Variants in ADGRB2 observed in about 807,000 individuals in gnomAD.
ADGRB2 encodes adhesion G protein-coupled receptor B2, also known as brain-specific angiogenesis inhibitor 2.
Under a neutral mutation model 178.7 loss-of-function variants are expected in ADGRB2, and 47 were observed. That is an observed-to-expected ratio of 0.26 (90% CI 0.21 to 0.34). The LOEUF is 0.34. Among genes scored for constraint, ADGRB2 ranks in the 10% least tolerant of loss-of-function variants. ADGRB2 has a pLI of 1.00. For missense variants in ADGRB2, 1,584 were observed against 2,180.8 expected, an observed-to-expected ratio of 0.73 and a Z score of 5.45; for synonymous variants, 870 against 912.4, an observed-to-expected ratio of 0.95 and a Z score of 0.84.
chr1:31,744,597 C>A lies in ADGRB2; in HGVS notation c.922+51G>T, dbSNP rs190025210. The A allele has an allele frequency of 6.3e-7, 1 of 1,588,624 alleles. No individual in the cohort carries two copies. The highest frequency in any genetic ancestry group is 8.6e-7 in the Non-Finnish European group (1 of 1,161,672). On this transcript the variant is annotated intron_variant, in intron 5 of 32. Coordinates refer to ENST00000373658, the MANE Select transcript of ADGRB2 (RefSeq NM_001364857.2). This position sits in a 1 kb window ranked among gnomAD's most constrained non-coding sequence, Gnocchi z 6.7. ...CACACCAAGCACACACACCACCAGA[C>A]GCACACAGTCGGGCCCCCGCCGCAG...
In ADGRB2 at chr1:31,755,902, A is replaced by T; in HGVS notation, c.838+97T>A. On this transcript the variant is annotated intron_variant, in intron 4 of 32. Transcript: ENST00000373658. The surrounding 1 kb of genome is among the most constrained non-coding windows in gnomAD (Gnocchi z 5.1). ...CTCAGCAGAGGGGTGACATCAGTGA[A>T]CAGCTACATGCATGGCCGAGGATCT... 6.7e-7 allele frequency: 1 copy of T among 1,482,688 alleles called. No homozygotes were observed. The highest frequency in any genetic ancestry group is 9.1e-7 in the Non-Finnish European group (1 of 1,100,264). 91.8% of individuals were successfully genotyped at this position (1,482,688 alleles called of 1,614,324 possible).
intron 3 of ADGRB2, 140 bp downstream of exon 3, chr1:31,757,061 G>C: frequency 2.8e-6 from 4 of 1,425,030 alleles, no homozygotes; most frequent in Non-Finnish European, 3.9e-6. Flanking sequence ...ATAAGTAAGG[G>C]AAAGGACTCG....
chr1:31,737,030 G>A (rs1645651572), intron 20 of ADGRB2, among the ~76,000 whole-genome samples: 1 of 152,226 alleles, frequency 6.6e-6, no homozygotes, highest in Non-Finnish European at 1.5e-5. Flanking sequence ...CCCTGTGCCT[G>A]GCATGCATGG....
In ADGRB2 at chr1:31,734,025, G is replaced by A. The variant is rs567384091; in HGVS notation, c.3453-882C>T. On this transcript the variant is annotated intron_variant, in intron 25 of 32. Transcript: ENST00000373658. ...TGGCAGAGGGTGGCACCATTCCGCA[G>A]AGACAGCCGGGGGAGGCCAAAGCAG... Among the ~76,000 whole-genome samples, 394 of 152,336 alleles carry A rather than the reference G, an allele frequency of 2.6e-3. 1 individual carries two copies. Among genetic ancestry groups the A allele is most frequent in the Non-Finnish European group, 3.8e-3 (260 of 68,030 alleles).
intron 4 of ADGRB2, among the ~76,000 whole-genome samples, chr1:31,746,019 C>T (rs1479458981): frequency 6.6e-6 from 1 of 152,192 alleles, no homozygotes; most frequent in East Asian, 1.9e-4. Flanking sequence ...ATCTCTGAAA[C>T]CTGGACTCCC....
chr1:31,738,430 T>C, intron 17 of ADGRB2, 104 bp from the exon 18 acceptor site: 2 of 1,564,256 alleles, frequency 1.3e-6, no homozygotes, highest in South Asian at 1.2e-5. Flanking sequence ...TAAGGCCACA[T>C]CCACGAGGCA....
chr1:31,744,301 G>T lies in ADGRB2; in HGVS notation c.979C>A (p.Gln327Lys), dbSNP rs1160253497. 3 of 1,551,252 alleles carry T rather than the reference G, an allele frequency of 1.9e-6. No individual in the cohort carries two copies. The highest frequency in any genetic ancestry group is 2.6e-6 in the Non-Finnish European group (3 of 1,146,924). ...GAGCGGGTCCGCACCTGCAGACCCT[G>T]CCCACACGTCAGGGAACACACGCTC... is the stretch of plus-strand genomic sequence containing the variant. ...PWSVCSLTCG[Q>K]GLQVRTRSCV... is the part of the protein sequence containing the mutation. Residue 327 changes from glutamine to lysine, a missense_variant, in exon 6 of 33, where the codon CAG (glutamine) becomes AAG (lysine). Gln to Lys is a moderately conservative substitution (Grantham distance 53). Around this residue, in one of 3 missense-constraint regions of ADGRB2, gnomAD observed 657 missense variants for 847.6 expected, o/e 0.78. Coordinates refer to ENST00000373658, the MANE Select transcript of ADGRB2 (RefSeq NM_001364857.2). This position sits in a 1 kb window ranked among gnomAD's most constrained non-coding sequence, Gnocchi z 6.7.
chr1:31,731,977 G>A (rs1049030277), intron 28 of ADGRB2, 138 bp downstream of exon 28: 69 of 1,115,924 alleles, frequency 6.2e-5, no homozygotes, highest in Middle Eastern at 2.1e-4. Flanking sequence ...GCAGCCTTGC[G>A]TCCAGCTCAG....
intron 4 of ADGRB2, among the ~76,000 whole-genome samples, chr1:31,749,466 G>C (rs969121403): frequency 6.6e-6 from 1 of 152,212 alleles, no homozygotes; most frequent in East Asian, 1.9e-4. Flanking sequence ...CTCTGCCACC[G>C]TCTTGCTGTG....
At chr1:31,736,765 G>A (rs753311378) in intron 20 of ADGRB2, 42 bp from the exon 21 acceptor site, 31 of 1,593,322 alleles carry the variant, frequency 1.9e-5, no homozygotes, top group South Asian at 1.3e-4. Context: ...CTGAGCAGCC[G>A]CCAGGGCAGG....
intron 1 of ADGRB2, among the ~76,000 whole-genome samples, chr1:31,763,339 G>T (rs997741953): frequency 4.6e-5 from 7 of 151,396 alleles, no homozygotes; most frequent in African/African-American, 1.7e-4. Context: ...GAAGAAGCAT[G>T]GTCGGGGTAC....
At position 31,758,195 on chromosome 1, in the gene ADGRB2, A is replaced by G. The variant is rs1294118455; in HGVS notation, c.-190-684T>C. Among the ~76,000 whole-genome samples, 1 of 152,186 alleles carries G rather than the reference A, an allele frequency of 6.6e-6. No homozygotes were observed. Among genetic ancestry groups the G allele is most frequent in the East Asian group, 1.9e-4 (1 of 5,202 alleles). On this transcript the variant is annotated intron_variant, in intron 1 of 32. Coordinates refer to ENST00000373658, the MANE Select transcript of ADGRB2 (RefSeq NM_001364857.2). This position sits in a 1 kb window ranked among gnomAD's most constrained non-coding sequence, Gnocchi z 4.2. ...GCTCACAGCACTGCATGGGCCCCCT[A>G]GAGCCCAGCTGGTCCTCATCAGAGG...
At position 31,737,539 on chromosome 1, in the gene ADGRB2, G is replaced by A. The variant is rs764864121; in HGVS notation, c.2877-8C>T. 7 of 1,613,556 alleles carry A rather than the reference G, an allele frequency of 4.3e-6. No individual in the cohort carries two copies. The Admixed American group carries it at 5.0e-5, about 12-fold the overall frequency. On this transcript the variant is annotated splice_region_variant and splice_polypyrimidine_tract_variant and intron_variant, in intron 19 of 32. Transcript: ENST00000373658. Reference sequence around the variant, plus strand: ...CGTTCAGATTTTATGAACCTGCCGGGGCACAGCAGGCAGGGACAGAGGCGC... The same window carrying A: ...CGTTCAGATTTTATGAACCTGCCGGAGCACAGCAGGCAGGGACAGAGGCGC...
rs1251673887 is a variant in ADGRB2 at position 31,740,573 on chromosome 1, A to G, written c.1795-32T>C. On this transcript the variant is annotated intron_variant, in intron 11 of 32. Transcript: ENST00000373658. This position sits in a 1 kb window ranked among gnomAD's most constrained non-coding sequence, Gnocchi z 5.9. Reference sequence around the variant, plus strand: ...GTGATGAGGGGGCCACAGTCACTGAAGTGTCAGGAGCTGGAACCAGACCCT... The same window carrying G: ...GTGATGAGGGGGCCACAGTCACTGAGGTGTCAGGAGCTGGAACCAGACCCT... The G allele has an allele frequency of 3.2e-6, 5 of 1,551,930 alleles. No individual in the cohort carries two copies. The highest frequency in any genetic ancestry group is 2.4e-5 in the South Asian group (2 of 82,192).
rs761886438 is a variant in ADGRB2, at chr1:31,736,596, T to C, written c.3107A>G (p.Lys1036Arg). 18 of 1,613,946 alleles carry C rather than the reference T, an allele frequency of 1.1e-5. No individual in the cohort carries two copies. The highest frequency in any genetic ancestry group is 1.5e-5 in the Non-Finnish European group (18 of 1,179,966). Residue 1036 changes from lysine to arginine, a missense_variant, in exon 21 of 33, where the codon AAG becomes AGG. Physicochemically the swap from Lys to Arg is conservative, Grantham distance 26. Coordinates refer to ENST00000373658, the MANE Select transcript of ADGRB2 (RefSeq NM_001364857.2). The stretch of plus-strand genomic sequence containing the variant: ...ACCCCAGCCCAGGCAGAGGAAGCGC[T>C]TGCGAACGAGGCGGGTGCGCATCCG... ...IGRMRTRLVR[K>R]RFLCLGWGLP...
chr1:31,759,212 T>A lies in ADGRB2; in HGVS notation c.-190-1701A>T, dbSNP rs1646966702. The A allele has an allele frequency of 5.3e-6, 4 of 752,106 alleles. No homozygotes were observed. Among genetic ancestry groups the A allele is most frequent in the Non-Finnish European group, 7.5e-6 (3 of 399,884 alleles). 46.6% of individuals were successfully genotyped at this position (752,106 alleles called of 1,614,324 possible). ...CATGCACACAGGTGAAACCCACAGATTCATGCTGTCACACACACTCAGGAG... is the reference window on the plus strand; with the variant it reads ...CATGCACACAGGTGAAACCCACAGAATCATGCTGTCACACACACTCAGGAG... On this transcript the variant is annotated intron_variant, in intron 1 of 32. Coordinates refer to ENST00000373658, the MANE Select transcript of ADGRB2 (RefSeq NM_001364857.2). The surrounding 1 kb of genome is among the most constrained non-coding windows in gnomAD (Gnocchi z 4.3).
intron 4 of ADGRB2, among the ~76,000 whole-genome samples, chr1:31,750,217 G>A (rs917351090): frequency 1.6e-4 from 25 of 152,252 alleles, no homozygotes; most frequent in South Asian, 6.2e-4. Flanking sequence ...TAGTCCCCAG[G>A]CCATCTTCTT....
rs771799815 is a variant in ADGRB2 at position 31,728,648 on chromosome 1, C to G, written c.4381-15G>C. On this transcript the variant is annotated splice_polypyrimidine_tract_variant and intron_variant, in intron 29 of 32. Transcript: ENST00000373658. The surrounding 1 kb of genome is among the most constrained non-coding windows in gnomAD (Gnocchi z 6.7). ...AATTTCTTTCGCTGGGAAGGAGCAA[C>G]AAGGAGGCAATGGAGGAGAAGAAAG... The G allele has an allele frequency of 4.3e-6, 7 of 1,614,018 alleles. No individual in the cohort carries two copies. In the East Asian group the frequency reaches 1.6e-4, roughly 36 times the overall value.
chr1:31,739,295 C>T lies in ADGRB2; in HGVS notation c.2495+13G>A. 2.1e-6 allele frequency: 3 copies of T among 1,447,430 alleles called. No homozygotes were observed. Among genetic ancestry groups the T allele is most frequent in the South Asian group, 3.0e-5 (2 of 67,128 alleles). The allele number at this position is 1,447,430 out of a possible 1,614,324, so 89.7% of individuals were successfully genotyped here. On this transcript the variant is annotated intron_variant, in intron 15 of 32. Transcript: ENST00000373658. Reference sequence around the variant, plus strand: ...ACCCTCAGCAGCCCCAGCCACCCATCCCCAGGACTCACCTGGGAGGCGGCA... The same window carrying T: ...ACCCTCAGCAGCCCCAGCCACCCATTCCCAGGACTCACCTGGGAGGCGGCA...
Sources: gnomAD v4.1 joint callset for allele counts (sites outside exome capture counted in the v4.1 genomes callset) on GRCh38, gnomAD v4.1.1 for gene constraint, gnomAD v4.1.1 regional missense constraint, Gnocchi (gnomAD v3.1) non-coding constraint, MANE v1.5 for transcripts, NCBI Gene and HGNC (gene_info 2026-07-23, HGNC 2026-07-21) for gene names.